The following ZC3H12B variants were observed in gnomAD, a reference collection of about 807,000 sequenced individuals.
ZC3H12B encodes zinc finger CCCH-type containing 12B.
Under a neutral mutation model 43.9 loss-of-function variants are expected in ZC3H12B, and 7 were observed. The ratio of observed to expected loss-of-function variants is 0.16; its 90% CI spans 0.09 to 0.30. The LOEUF is 0.30. Among genes scored for constraint, ZC3H12B ranks in the 10% least tolerant of loss-of-function variants. ZC3H12B has a pLI of 1.00. For missense variants in ZC3H12B, 475 were observed against 670.2 expected (o/e 0.71, Z 3.22); for synonymous variants, 222 against 241.7 (o/e 0.92, Z 0.76).
the ZC3H12B span, among the ~76,000 whole-genome samples, chrX:65,059,226 C>G: frequency 1.4e-5 from 1 of 69,948 alleles, no homozygotes. Flanking sequence ...ACCACCCCCC[C>G]CCCGCCCCAG....
the ZC3H12B span, among the ~76,000 whole-genome samples, chrX:65,106,219 T>TCATGGG: frequency 3.6e-5 from 4 of 111,784 alleles, no homozygotes; most frequent in Non-Finnish European, 5.7e-5. Context: ...TGCTATGGTC[T>TCATGGG]CATGGGCATC....
the ZC3H12B span, among the ~76,000 whole-genome samples, chrX:65,079,094 A>G: frequency 8.9e-6 from 1 of 112,309 alleles, no homozygotes; most frequent in South Asian, 3.7e-4. Context: ...TTTGATTTTT[A>G]GATACCACAA....
chrX:65,493,402 T>G (rs1403236118), intron 1 of ZC3H12B, among the ~76,000 whole-genome samples: 3 of 111,075 alleles, frequency 2.7e-5, no homozygotes, highest in East Asian at 2.8e-4. Flanking sequence ...AAAAAAAAAT[T>G]TATGATGCTT....
the ZC3H12B span, among the ~76,000 whole-genome samples, chrX:65,104,072 T>C: frequency 9.0e-6 from 1 of 111,060 alleles, no homozygotes; most frequent in Non-Finnish European, 1.9e-5. Flanking sequence ...AAAACAGATA[T>C]ATAGACCAAT....
the ZC3H12B span, among the ~76,000 whole-genome samples, chrX:65,322,398 T>C: frequency 8.9e-6 from 1 of 112,133 alleles, no homozygotes; most frequent in Non-Finnish European, 1.9e-5. Context: ...GACAAAACTA[T>C]AGCAAGTTGA....
At chrX:65,281,716 C>T in the ZC3H12B span, among the ~76,000 whole-genome samples, 1 of 112,425 alleles carries the variant, frequency 8.9e-6, no homozygotes, top group Non-Finnish European at 1.9e-5. Flanking sequence ...AAATGTAAAA[C>T]TGCTAGAAAG....
At chrX:65,217,153 G>C in the ZC3H12B span, among the ~76,000 whole-genome samples, 1 of 111,906 alleles carries the variant, frequency 8.9e-6, no homozygotes, top group Non-Finnish European at 1.9e-5. Flanking sequence ...ACTTTGTCTG[G>C]GAACCCAGGG....
chrX:65,416,152 G>C (rs1426543897), intron 3 of ZC3H12B, among the ~76,000 whole-genome samples: 1 of 111,847 alleles, frequency 8.9e-6, no homozygotes, highest in African/African-American at 3.2e-5. Context: ...TACGATCTTA[G>C]CCCCCAAGGA....
chrX:65,492,963 C>T lies in ZC3H12B; in HGVS notation c.608+3554C>T, dbSNP rs182094393. 4.8e-4 allele frequency among the ~76,000 whole-genome samples: 53 copies of T among 110,275 alleles called. No homozygotes were observed. The Middle Eastern group carries it at 0.019, about 40-fold the overall frequency. ...CTAAAAATACCAAAAAATAACCCAG[C>T]GTGGGGGTTCATGCCCGTAGTCCCA... On this transcript the variant is annotated intron_variant, in intron 1 of 4. Transcript: ENST00000338957.
rs181698944 is a variant in ZC3H12B, at chrX:65,378,886, T to A, written n.295+9888T>A. Reference sequence around the variant, plus strand: ...AATCGGGTCACTCCCACCCTAATACTGCGCTTTTCCGATGGGCATAAAAAA... The same window carrying A: ...AATCGGGTCACTCCCACCCTAATACAGCGCTTTTCCGATGGGCATAAAAAA... On this transcript the variant is annotated intron_variant and non_coding_transcript_variant, in intron 2 of 5. Transcript: ENST00000617377. 2.7e-5 allele frequency among the ~76,000 whole-genome samples: 3 copies of A among 112,543 alleles called. No homozygotes were observed. The East Asian group carries it at 8.4e-4, about 31-fold the overall frequency.
At position 65,473,180 on chromosome X, in the gene ZC3H12B, AT is replaced by A. The variant is rs753127215; in HGVS notation, n.408-15459del. Among the ~76,000 whole-genome samples the A allele has an allele frequency of 4.9e-3, 514 of 105,295 alleles. 2 individuals carry two copies. Among genetic ancestry groups the A allele is most frequent in the African/African-American group, 0.016 (453 of 28,750 alleles). The allele number at this position is 105,295 out of a possible 115,157, so 91.4% of individuals were successfully genotyped here. On this transcript the variant is annotated intron_variant and non_coding_transcript_variant, in intron 3 of 5. Coordinates refer to the ZC3H12B transcript ENST00000617377. ...AGGTACATGCCACCACACCCAGCTA[AT>A]TTTTTTGTATTTTTAGTAGAGACAG...
the ZC3H12B span, among the ~76,000 whole-genome samples, chrX:65,311,469 G>A: frequency 1.3e-4 from 14 of 111,728 alleles, no homozygotes; most frequent in African/African-American, 3.9e-4. Flanking sequence ...GGTTAGAATG[G>A]CGATCATTAA....
chrX:65,124,619 C>T, the ZC3H12B span, among the ~76,000 whole-genome samples: 2 of 109,825 alleles, frequency 1.8e-5, no homozygotes, highest in Non-Finnish European at 3.8e-5. Context: ...TGGTCCTGGA[C>T]TTTTTTTTCT....
chrX:65,101,347 G>A, the ZC3H12B span, among the ~76,000 whole-genome samples: 3 of 111,295 alleles, frequency 2.7e-5, no homozygotes, highest in Non-Finnish European at 5.7e-5. Context: ...AGAGAAGCAA[G>A]AGCAAACAAA....
the ZC3H12B span, among the ~76,000 whole-genome samples, chrX:65,157,653 G>C: frequency 7.6e-4 from 85 of 111,390 alleles, no homozygotes; most frequent in African/African-American, 2.5e-3. Context: ...TGAACAAACT[G>C]TCTTTTACCT....
chrX:65,440,888 C>A (rs947065750), intron 3 of ZC3H12B, among the ~76,000 whole-genome samples: 1 of 112,363 alleles, frequency 8.9e-6, no homozygotes, highest in Non-Finnish European at 1.9e-5. Context: ...TCTAAAGCCT[C>A]CAGTTTTTCT....
chrX:65,119,828 G>T, the ZC3H12B span, among the ~76,000 whole-genome samples: 2 of 111,870 alleles, frequency 1.8e-5, no homozygotes, highest in African/African-American at 6.5e-5. Flanking sequence ...TTTGTATAAG[G>T]TGTAAGGAAG....
At chrX:65,230,999 A>G in the ZC3H12B span, among the ~76,000 whole-genome samples, 1 of 112,071 alleles carries the variant, frequency 8.9e-6, no homozygotes, top group African/African-American at 3.2e-5. Flanking sequence ...GTAAGCAATT[A>G]TTGGGGGAAC....
chrX:65,154,034 A>C, the ZC3H12B span, among the ~76,000 whole-genome samples: 2 of 111,003 alleles, frequency 1.8e-5, no homozygotes, highest in African/African-American at 6.6e-5. Flanking sequence ...GAACAACGAG[A>C]ACACATGGAC....
Sources: gnomAD v4.1 joint callset for allele counts (sites outside exome capture counted in the v4.1 genomes callset) on GRCh38, gnomAD v4.1.1 for gene constraint, MANE v1.5 for transcripts, NCBI Gene and HGNC (gene_info 2026-07-23, HGNC 2026-07-21) for gene names.